TBXAS1: variants seen among roughly 807,000 people sequenced by gnomAD.
TBXAS1 encodes thromboxane A synthase 1, also known as thromboxane-A synthase.
In TBXAS1, 48 loss-of-function variants were observed where a neutral mutation model predicts 60.7. The ratio of observed to expected loss-of-function variants is 0.79; its 90% confidence interval spans 0.63 to 1.01. The LOEUF (loss-of-function observed/expected upper bound fraction) is 1.01. TBXAS1 is among the 50% of genes least tolerant of loss of function. The pLI is 0.00. For synonymous variants in TBXAS1, 287 were observed against 269.7 expected (o/e 1.06, Z -0.63); for missense variants, 685 against 686.3 (o/e 1.00, Z 0.02).
At chr7:139,884,180 TCTC>T (rs1411417009) in intron 3 of TBXAS1, among the ~76,000 whole-genome samples, 2 of 152,220 alleles carry the variant, frequency 1.3e-5, no homozygotes, top group African/African-American at 4.8e-5. Context: ...TGGAAGCACT[TCTC>T]CTGCAGAGAC....
chr7:139,944,400 G>A (rs916583900), intron 5 of TBXAS1, among the ~76,000 whole-genome samples: 2 of 152,208 alleles, frequency 1.3e-5, no homozygotes, highest in Non-Finnish European at 2.9e-5. Context: ...GTTGAGGCAC[G>A]TACAGTTCAC....
intron 3 of TBXAS1, among the ~76,000 whole-genome samples, chr7:139,784,661 G>A (rs1432683877): frequency 1.3e-5 from 2 of 152,214 alleles, no homozygotes; most frequent in African/African-American, 4.8e-5. Context: ...CAGTGGTCAG[G>A]AATGACGCTG....
At chr7:139,984,636 G>GGGGGAGAAAGAAAGAAAGAAAGAA (rs1554503287) in intron 9 of TBXAS1, among the ~76,000 whole-genome samples, 1 of 70,912 alleles carries the variant, frequency 1.4e-5, no homozygotes, top group Non-Finnish European at 2.9e-5. Context: ...GAGAGAGAGA[G>GGGGGAGAAAGAAAGAAAGAAAGAA]AGAGAGAAAG....
intron 3 of TBXAS1, among the ~76,000 whole-genome samples, chr7:139,905,187 T>G (rs1804979036): frequency 6.6e-6 from 1 of 152,016 alleles, no homozygotes; most frequent in African/African-American, 2.4e-5. Context: ...CATCCTTGTC[T>G]TGTTCCAGTT....
rs80037428 is a variant in TBXAS1, at chr7:139,980,688, G to A, written c.1134+18455G>A. 2.6e-3 allele frequency among the ~76,000 whole-genome samples: 399 copies of A among 151,530 alleles called. 2 individuals carry two copies. Among genetic ancestry groups the A allele is most frequent in the Middle Eastern group, 0.01 (3 of 292 alleles). Reference sequence around the variant, plus strand: ...CATCAATGTCTCTATTTTCTGTTCAGGATAAACAAAGAGTCCCTCTTACCT... The same window carrying A: ...CATCAATGTCTCTATTTTCTGTTCAAGATAAACAAAGAGTCCCTCTTACCT... On this transcript the variant is annotated intron_variant, in intron 9 of 12. Transcript: ENST00000448866.
intron 3 of TBXAS1, among the ~76,000 whole-genome samples, chr7:139,893,263 G>A (rs148309078): frequency 6.6e-6 from 1 of 151,092 alleles, no homozygotes; most frequent in African/African-American, 2.4e-5. Context: ...ACATCATTTG[G>A]GGAGAGATGA....
chr7:139,855,235 A>G (rs1420783090), intron 1 of TBXAS1, among the ~76,000 whole-genome samples: 1 of 152,192 alleles, frequency 6.6e-6, no homozygotes, highest in African/African-American at 2.4e-5. Flanking sequence ...ATCTAGGTTC[A>G]GGTATTGTGT....
intron 1 of TBXAS1, among the ~76,000 whole-genome samples, chr7:139,866,325 A>T (rs902375503): frequency 9.8e-5 from 15 of 152,384 alleles, no homozygotes; most frequent in African/African-American, 3.6e-4. Flanking sequence ...TGACAATAAG[A>T]ATGGTTTAGT....
intron 9 of TBXAS1, among the ~76,000 whole-genome samples, chr7:139,980,904 A>G (rs1003739342): frequency 6.6e-6 from 1 of 151,806 alleles, no homozygotes; most frequent in African/African-American, 2.4e-5. Context: ...TCCAGAACAG[A>G]CACAGGCATT....
At chr7:139,832,402 C>T (rs1480454543) in intron 1 of TBXAS1, among the ~76,000 whole-genome samples, 1 of 96,040 alleles carries the variant, frequency 1.0e-5, no homozygotes, top group East Asian at 4.7e-4. Context: ...CTGAATCCAA[C>T]AAAGACAAAG....
intron 1 of TBXAS1, among the ~76,000 whole-genome samples, chr7:139,837,446 T>A (rs1421071495): frequency 1.3e-5 from 2 of 152,080 alleles, no homozygotes; most frequent in Non-Finnish European, 2.9e-5. Context: ...ATAAAGAAAC[T>A]GTGGTATATG....
chr7:139,820,342 G>A (rs150684576), intron 4 of TBXAS1, among the ~76,000 whole-genome samples: 4 of 152,282 alleles, frequency 2.6e-5, no homozygotes, highest in East Asian at 1.9e-4. Context: ...TTGATAGAGA[G>A]GCTGAAATGA....
intron 4 of TBXAS1, among the ~76,000 whole-genome samples, chr7:139,820,599 CAA>C (rs1798271629): frequency 1.3e-5 from 2 of 152,098 alleles, no homozygotes; most frequent in African/African-American, 4.8e-5. Flanking sequence ...TAAATAGCAT[CAA>C]GTCACCCCAC....
In TBXAS1 at chr7:139,778,664, T is replaced by G. The variant is rs1263154686; in HGVS notation, c.-318+193T>G. Among the ~76,000 whole-genome samples the G allele has an allele frequency of 6.6e-6, 1 of 150,976 alleles. No homozygotes were observed. The highest frequency in any genetic ancestry group is 6.6e-5 in the Admixed American group (1 of 15,198). ...TCTGGCTTCCACGCCACCCTGATCTTCTCCTCCTCGCGTCTACACTGTCCC... is the reference window on the plus strand; with the variant it reads ...TCTGGCTTCCACGCCACCCTGATCTGCTCCTCCTCGCGTCTACACTGTCCC... On this transcript the variant is annotated intron_variant, in intron 1 of 16. Coordinates refer to the TBXAS1 transcript ENST00000336425. This position sits in a 1 kb window ranked among gnomAD's most constrained non-coding sequence, Gnocchi z 4.8.
intron 1 of TBXAS1, among the ~76,000 whole-genome samples, chr7:139,843,490 G>A (rs985543074): frequency 4.6e-5 from 7 of 151,960 alleles, no homozygotes; most frequent in South Asian, 2.1e-4. Flanking sequence ...CTACAGGTGC[G>A]TGCCACCATA....
chr7:139,841,009 G>GA (rs139516096), intron 1 of TBXAS1, among the ~76,000 whole-genome samples: 15,562 of 152,226 alleles, frequency 0.1, 923 homozygotes, highest in Non-Finnish European at 0.14. Flanking sequence ...CTGCCGCTCA[G>GA]GAAAAGCAAG....
intron 9 of TBXAS1, among the ~76,000 whole-genome samples, chr7:139,966,966 T>C (rs1262442030): frequency 5.3e-5 from 8 of 152,186 alleles, no homozygotes; most frequent in Non-Finnish European, 1.2e-4. Flanking sequence ...CTCAGTGCCT[T>C]CCCTGCGGGG....
chr7:139,857,770 A>G (rs1181897658), intron 1 of TBXAS1, among the ~76,000 whole-genome samples: 1 of 148,512 alleles, frequency 6.7e-6, no homozygotes, highest in Non-Finnish European at 1.5e-5. Flanking sequence ...TCTCTCTGTC[A>G]CCCAAGCTGG....
chr7:140,001,239 G>A (rs1813652187), intron 9 of TBXAS1, among the ~76,000 whole-genome samples: 1 of 152,184 alleles, frequency 6.6e-6, no homozygotes, highest in African/African-American at 2.4e-5. Context: ...CTGGGGGATG[G>A]CTTTTCATGT....
Sources: allele counts gnomAD v4.1 joint callset (sites outside exome capture counted in the v4.1 genomes callset), GRCh38; gene constraint gnomAD v4.1.1; non-coding constraint Gnocchi (gnomAD v3.1); transcripts MANE v1.5; gene names NCBI Gene and HGNC (gene_info 2026-07-23, HGNC 2026-07-21).